Variants in IL7 observed in about 807,000 individuals in gnomAD.
IL7 encodes interleukin 7.
IL7 carries 3 observed loss-of-function variants against 21.6 expected under a neutral mutation model. The ratio of observed to expected loss-of-function variants is 0.14; its 90% CI spans 0.06 to 0.36. IL7 has a LOEUF of 0.36. Among genes scored for constraint, IL7 ranks in the 10% least tolerant of loss-of-function variants. The pLI is 1.00. For synonymous variants in IL7, 62 were observed against 68.1 expected, an observed-to-expected ratio of 0.91 and a Z score of 0.44; for missense variants, 175 against 200.2, an observed-to-expected ratio of 0.87 and a Z score of 0.76.
At chr8:78,680,311 A>C (rs1011510462) in intron 4 of IL7, among the ~76,000 whole-genome samples, 2,009 of 144,816 alleles carry the variant, frequency 0.014, 23 homozygotes, top group Non-Finnish European at 0.023. Flanking sequence ...AAAAAAAAAA[A>C]AAAAGCAAAG....
intron 3 of IL7, among the ~76,000 whole-genome samples, chr8:78,705,075 T>G (rs1009584439): frequency 1.3e-5 from 2 of 152,224 alleles, no homozygotes; most frequent in African/African-American, 4.8e-5. Context: ...TTCGTTCCTG[T>G]CCGTATCCTG....
At chr8:78,787,518 A>C (rs149429860) in intron 2 of IL7, among the ~76,000 whole-genome samples, 4 of 152,186 alleles carry the variant, frequency 2.6e-5, no homozygotes, top group Non-Finnish European at 2.9e-5. Flanking sequence ...CCACACATGC[A>C]TAGCCTTCCC....
At chr8:78,689,881 A>G (rs1810152050) in intron 3 of IL7, among the ~76,000 whole-genome samples, 1 of 152,112 alleles carries the variant, frequency 6.6e-6, no homozygotes, top group African/African-American at 2.4e-5. Context: ...ATCTTTGCCT[A>G]TACTAGGATT....
At chr8:78,685,647 A>G (rs953988530) in intron 4 of IL7, among the ~76,000 whole-genome samples, 4 of 152,234 alleles carry the variant, frequency 2.6e-5, no homozygotes, top group Admixed American at 1.3e-4. Context: ...ACATTAAATG[A>G]TTCTTAGTAA....
At chr8:78,774,156 T>C (rs184562290) in intron 2 of IL7, among the ~76,000 whole-genome samples, 38 of 152,232 alleles carry the variant, frequency 2.5e-4, no homozygotes, top group Non-Finnish European at 2.2e-4. Context: ...TTACTTATAA[T>C]AATTTTCAAT....
intron 2 of IL7, among the ~76,000 whole-genome samples, chr8:78,744,133 C>G (rs764450054): frequency 3.3e-5 from 5 of 152,062 alleles, no homozygotes; most frequent in African/African-American, 1.2e-4. Flanking sequence ...GCTGGGGTAA[C>G]GCTTCACCGC....
intron 3 of IL7, chr8:78,712,049 A>G (rs530053616): frequency 1.1e-4 from 144 of 1,289,648 alleles, no homozygotes; most frequent in Admixed American, 7.4e-4. Context: ...AGGTTGTATG[A>G]CAGTGATACA....
intron 3 of IL7, among the ~76,000 whole-genome samples, chr8:78,703,059 G>T (rs527794152): frequency 6.6e-6 from 1 of 152,172 alleles, no homozygotes; most frequent in African/African-American, 2.4e-5. Flanking sequence ...ACCACACCTG[G>T]CTAATTTTTG....
At chr8:78,731,333 A>T (rs181072319), downstream of IL7, among the ~76,000 whole-genome samples, 1 of 152,152 alleles carries the variant, frequency 6.6e-6, no homozygotes, top group Admixed American at 6.6e-5. Context: ...TCTATGAATT[A>T]TATTAACCTC....
At chr8:78,701,335 T>C (rs543787699) in intron 3 of IL7, among the ~76,000 whole-genome samples, 1 of 152,332 alleles carries the variant, frequency 6.6e-6, no homozygotes, top group East Asian at 1.9e-4. Context: ...TTTTTGCACA[T>C]TGATTTTAGA....
At chr8:78,698,616 G>A (rs1810508926) in intron 3 of IL7, 2 of 872,302 alleles carry the variant, frequency 2.3e-6, no homozygotes, top group Non-Finnish European at 3.3e-6. Context: ...CATTTCCTAA[G>A]TTCATTTGTC....
At chr8:78,697,020 G>A (rs942682419) in intron 3 of IL7, among the ~76,000 whole-genome samples, 14 of 152,080 alleles carry the variant, frequency 9.2e-5, no homozygotes, top group African/African-American at 3.1e-4. Context: ...TTTTAGCAGT[G>A]GAGCATCTGA....
chr8:78,760,577 A>G (rs1290557304), intron 2 of IL7: 2 of 1,554,328 alleles, frequency 1.3e-6, no homozygotes, highest in Admixed American at 1.9e-5. Context: ...CAAAGTATTG[A>G]ATTTGAGTTG....
intron 3 of IL7, among the ~76,000 whole-genome samples, chr8:78,693,320 A>G (rs1195187430): frequency 5.3e-5 from 8 of 151,254 alleles, no homozygotes; most frequent in African/African-American, 1.2e-4. Flanking sequence ...GACTTCCACA[A>G]TGGTTGAACT....
rs773815079 is a variant in IL7 at position 78,698,500 on chromosome 8, G to A, written n.215-12553C>T. On this transcript the variant is annotated intron_variant and non_coding_transcript_variant, in intron 3 of 4. Coordinates refer to the IL7 transcript ENST00000523959. The stretch of plus-strand genomic sequence containing the variant: ...ATCTCCCTCTCATAAAGGGATAGCA[G>A]CCCCTCATGCAGGGTAAGTCTACAC... The A allele has an allele frequency of 5.6e-6, 9 of 1,608,620 alleles. No individual in the cohort carries two copies. In the African/African-American group the frequency reaches 1.2e-4, roughly 22 times the overall value.
chr8:78,804,896 G>C lies in IL7; in HGVS notation c.10+17C>G. 1.2e-6 allele frequency: 2 copies of C among 1,613,036 alleles called. No homozygotes were observed. The highest frequency in any genetic ancestry group is 1.1e-5 in the South Asian group (1 of 90,934). Reference sequence around the variant, plus strand: ...GTCGGGCGCGCGAACTTGTGCGCAAGGGAGAAGAGCGCTTACCATGGAACA... The same window carrying C: ...GTCGGGCGCGCGAACTTGTGCGCAACGGAGAAGAGCGCTTACCATGGAACA... On this transcript the variant is annotated intron_variant, in intron 1 of 5. Transcript: ENST00000263851.
intron 3 of IL7, among the ~76,000 whole-genome samples, chr8:78,723,361 A>G (rs1372500607): frequency 2.0e-5 from 3 of 151,982 alleles, no homozygotes; most frequent in African/African-American, 7.2e-5. Context: ...GCCCTAGAGA[A>G]CTAAACCTAA....
At chr8:78,689,295 A>G in intron 3 of IL7, 1 of 1,603,542 alleles carries the variant, frequency 6.2e-7, no homozygotes, top group Non-Finnish European at 8.5e-7. Flanking sequence ...ATTTCTGTAA[A>G]GAACAGGCAG....
intron 3 of IL7, chr8:78,686,747 G>A: frequency 2.3e-6 from 2 of 883,454 alleles, no homozygotes; most frequent in Non-Finnish European, 3.0e-6. Flanking sequence ...GTGTAAAATG[G>A]TGGTGGTAAT....
Sources: allele counts gnomAD v4.1 joint callset (sites outside exome capture counted in the v4.1 genomes callset), GRCh38; gene constraint gnomAD v4.1.1; transcripts MANE v1.5; gene names NCBI Gene and HGNC (gene_info 2026-07-23, HGNC 2026-07-21).